TRIM44: variants seen among roughly 807,000 people sequenced by gnomAD.
TRIM44 encodes the protein tripartite motif-containing protein 44.
TRIM44 carries 13 observed loss-of-function variants against 37.4 expected under a neutral mutation model. The ratio of observed to expected loss-of-function variants is 0.35; its 90% CI spans 0.23 to 0.55. The LOEUF (loss-of-function observed/expected upper bound fraction) is 0.55, where lower values mean the gene tolerates loss of function less well. Among genes scored for constraint, TRIM44 ranks in the 20% least tolerant of loss-of-function variants. The pLI, the probability that TRIM44 is intolerant of heterozygous loss-of-function variation, is 0.89. For missense variants in TRIM44, 426 were observed against 437.2 expected, an observed-to-expected ratio of 0.97 and a Z score of 0.23; for synonymous variants, 175 against 157.2, an observed-to-expected ratio of 1.11 and a Z score of -0.85.
At chr11:35,742,651 A>C (rs1852421968) in intron 4 of TRIM44, among the ~76,000 whole-genome samples, 1 of 131,656 alleles carries the variant, frequency 7.6e-6, no homozygotes, top group Non-Finnish European at 1.5e-5. Flanking sequence ...TATTAATTGT[A>C]TTATATATAA....
chr11:35,669,631 A>G (rs1851370419), intron 1 of TRIM44, among the ~76,000 whole-genome samples: 2 of 151,928 alleles, frequency 1.3e-5, no homozygotes, highest in African/African-American at 4.8e-5. Flanking sequence ...GCCCACCACC[A>G]TGCCCAGCTA....
Position 35,806,933 on chromosome 11 carries a change from G to A in TRIM44, c.*548G>A, listed in dbSNP as rs1235110864. 6.6e-6 allele frequency: 1 copy of A among 152,522 alleles called. No homozygotes were observed. The highest frequency in any genetic ancestry group is 1.5e-5 in the Non-Finnish European group (1 of 68,360). 9.4% of individuals were successfully genotyped at this position (152,522 alleles called of 1,614,324 possible). Reference sequence around the variant, plus strand: ...GAATTAAGATGGATGACTGGAAAAAGGTGTTGGAGAAAGAGTTAAAGATGA... The same window carrying A: ...GAATTAAGATGGATGACTGGAAAAAAGTGTTGGAGAAAGAGTTAAAGATGA... On this transcript the variant is annotated 3_prime_UTR_variant, in exon 5 of 5. Transcript: ENST00000299413.
At chr11:35,710,839 C>T (rs1851960821) in intron 2 of TRIM44, among the ~76,000 whole-genome samples, 1 of 152,100 alleles carries the variant, frequency 6.6e-6, no homozygotes, top group South Asian at 2.1e-4. Flanking sequence ...AATTCTTCTG[C>T]CAAAGAGGCG....
At chr11:35,676,475 A>T (rs746276378) in intron 1 of TRIM44, among the ~76,000 whole-genome samples, 4 of 152,192 alleles carry the variant, frequency 2.6e-5, no homozygotes, top group African/African-American at 4.8e-5. Flanking sequence ...TGTATATTTC[A>T]GTGTCCTGCT....
chr11:35,798,020 G>A (rs1050023392), intron 4 of TRIM44, among the ~76,000 whole-genome samples: 4 of 152,260 alleles, frequency 2.6e-5, no homozygotes, highest in South Asian at 2.1e-4. Flanking sequence ...CAAGGTGGTC[G>A]GGGCACAGCA....
At chr11:35,727,453 C>CAGGATATGTA (rs1852191918) in intron 3 of TRIM44, among the ~76,000 whole-genome samples, 1 of 152,162 alleles carries the variant, frequency 6.6e-6, no homozygotes, top group African/African-American at 2.4e-5. Context: ...GCTATCCTGA[C>CAGGATATGTA]AGGAAATGTA....
chr11:35,755,607 A>G (rs1350536048), intron 4 of TRIM44, among the ~76,000 whole-genome samples: 9 of 152,148 alleles, frequency 5.9e-5, no homozygotes, highest in South Asian at 2.1e-4. Context: ...GGTAATGCCT[A>G]GGTTTTCTTC....
At chr11:35,752,611 A>T (rs985291216) in intron 4 of TRIM44, among the ~76,000 whole-genome samples, 1 of 152,170 alleles carries the variant, frequency 6.6e-6, no homozygotes, top group Non-Finnish European at 1.5e-5. Flanking sequence ...AGTGGGGGAA[A>T]GAGAGCCTAT....
intron 1 of TRIM44, 41 bp from the exon 2 acceptor site, chr11:35,685,218 C>G: frequency 1.3e-6 from 2 of 1,549,782 alleles, no homozygotes; most frequent in Non-Finnish European, 1.8e-6. Flanking sequence ...GAGAGAGCAA[C>G]AAAATGCTGT....
chr11:35,716,862 T>G (rs529633095), intron 2 of TRIM44, among the ~76,000 whole-genome samples: 69 of 152,188 alleles, frequency 4.5e-4, no homozygotes, highest in Non-Finnish European at 8.8e-4. Context: ...TTTGGGCAGG[T>G]TTCTTACCTC....
chr11:35,663,544 A>T lies in TRIM44; in HGVS notation c.433A>T (p.Asn145Tyr). The change falls in exon 1 of 5, where the codon AAC (asparagine) becomes TAC (tyrosine). Residue 145 changes from asparagine to tyrosine, a missense_variant. Asn to Tyr is a moderately radical substitution (Grantham distance 143). Coordinates refer to ENST00000299413, the MANE Select transcript of TRIM44 (RefSeq NM_017583.6). ...DEQESEAEEDNQEEGESEAEG... is the reference protein window; with the variant it reads ...DEQESEAEEDYQEEGESEAEG... ...GCAAGAAAGCGAGGCCGAAGAAGAC[A>T]ACCAAGAAGAAGGGGAATCCGAGGC... 1 of 1,612,694 alleles carries T rather than the reference A, an allele frequency of 6.2e-7. No homozygotes were observed. Among genetic ancestry groups the T allele is most frequent in the East Asian group, 2.2e-5 (1 of 44,840 alleles).
chr11:35,773,110 T>A (rs760820591), intron 4 of TRIM44, among the ~76,000 whole-genome samples: 3 of 152,196 alleles, frequency 2.0e-5, no homozygotes, highest in Non-Finnish European at 4.4e-5. Context: ...CTTTGGCATC[T>A]TCCTCATTTT....
chr11:35,667,231 G>A (rs908456843), intron 1 of TRIM44, among the ~76,000 whole-genome samples: 6 of 152,114 alleles, frequency 3.9e-5, no homozygotes, highest in South Asian at 4.1e-4. Context: ...ATGATCATGT[G>A]ATTTTCTCTT....
At chr11:35,763,035 A>G (rs2133861053) in intron 4 of TRIM44, among the ~76,000 whole-genome samples, 1 of 152,328 alleles carries the variant, frequency 6.6e-6, no homozygotes, top group South Asian at 2.1e-4. Flanking sequence ...CTCAGTGGCA[A>G]TAACGACAAA....
chr11:35,715,729 G>A (rs1249535899), intron 2 of TRIM44, among the ~76,000 whole-genome samples: 1 of 152,066 alleles, frequency 6.6e-6, no homozygotes, highest in African/African-American at 2.4e-5. Context: ...GGTTTAATTG[G>A]CTCACGGTTC....
chr11:35,671,439 G>A (rs1851392655), intron 1 of TRIM44, among the ~76,000 whole-genome samples: 1 of 152,204 alleles, frequency 6.6e-6, no homozygotes, highest in Non-Finnish European at 1.5e-5. Flanking sequence ...TTAACACATT[G>A]TTAGTGCTCA....
intron 2 of TRIM44, among the ~76,000 whole-genome samples, chr11:35,703,803 AGATG>A (rs987079703): frequency 2.6e-4 from 40 of 151,976 alleles, no homozygotes; most frequent in African/African-American, 9.6e-4. Context: ...AAAACCACAA[AGATG>A]GGAAAAAAAC....
In TRIM44 at chr11:35,790,945, G is replaced by A. The variant is rs565521037; in HGVS notation, c.1008-15413G>A. On this transcript the variant is annotated intron_variant, in intron 4 of 4. Coordinates refer to ENST00000299413, the MANE Select transcript of TRIM44 (RefSeq NM_017583.6). ...GGACCCTCTATTCCCTTTCATAAAC[G>A]TCCACTTCTCAGTTATACTCATCTG... Among the ~76,000 whole-genome samples the A allele has an allele frequency of 7.2e-5, 11 of 152,260 alleles. No homozygotes were observed. The South Asian group carries it at 1.2e-3, about 17-fold the overall frequency.
At chr11:35,781,077 G>A (rs540446783) in intron 4 of TRIM44, among the ~76,000 whole-genome samples, 5 of 152,276 alleles carry the variant, frequency 3.3e-5, no homozygotes, top group African/African-American at 1.2e-4. Context: ...CTGGGGAGAA[G>A]AAGCTACTAT....
Sources: gnomAD v4.1 joint callset for allele counts (sites outside exome capture counted in the v4.1 genomes callset) on GRCh38, gnomAD v4.1.1 for gene constraint, MANE v1.5 for transcripts, NCBI Gene and HGNC (gene_info 2026-07-23, HGNC 2026-07-21) for gene names.